The following GFM1 variants were observed in gnomAD, a reference collection of about 807,000 sequenced individuals.
The protein encoded by GFM1 is G elongation factor mitochondrial 1.
In GFM1, 62 loss-of-function variants were observed where a neutral mutation model predicts 96.2. The observed-to-expected ratio is 0.64, with a 90% CI of 0.53 to 0.80. The LOEUF (loss-of-function observed/expected upper bound fraction) is 0.80, where lower values mean the gene tolerates loss of function less well. GFM1 is among the 30% of genes least tolerant of loss of function. The pLI is 0.00. For synonymous variants in GFM1, 282 were observed against 312.9 expected (o/e 0.90, Z 1.04); for missense variants, 852 against 916.6 (o/e 0.93, Z 0.91).
intron 13 of GFM1, chr3:158,669,067 A>C: frequency 6.2e-7 from 1 of 1,613,640 alleles, no homozygotes; most frequent in Non-Finnish European, 8.5e-7. Context: ...CATATTATAT[A>C]ACCACAGGCA....
chr3:158,691,370 A>C lies in GFM1; in HGVS notation c.2159A>C (p.Tyr720Ser). ...KGEYTMEYSR[Y>S]QPCLPSTQED... ...GAATACACAATGGAGTATAGCAGGT[A>C]TCAGCCATGTTTACCATCCACACAA... Residue 720 changes from tyrosine to serine, a missense_variant, in exon 18 of 18, where the codon TAT becomes TCT. Coordinates refer to ENST00000486715, the MANE Select transcript of GFM1 (RefSeq NM_024996.7). 3 of 1,613,898 alleles carry C rather than the reference A, an allele frequency of 1.9e-6. No individual in the cohort carries two copies. Among genetic ancestry groups the C allele is most frequent in the Non-Finnish European group, 2.5e-6 (3 of 1,179,832 alleles).
In GFM1 at chr3:158,659,076, T is replaced by A; in HGVS notation, c.1221+17T>A. On this transcript the variant is annotated intron_variant, in intron 9 of 17. Transcript: ENST00000486715. ...ATGATGGAGGCAAGTACAGAGTCAT[T>A]GTGAGATTAGAAATTCCTCTGATGT... 6.2e-7 allele frequency: 1 copy of A among 1,614,074 alleles called. No homozygotes were observed. The highest frequency in any genetic ancestry group is 8.5e-7 in the Non-Finnish European group (1 of 1,179,970).
chr3:158,673,267 T>G (rs1381565561), intron 13 of GFM1, among the ~76,000 whole-genome samples: 1 of 152,216 alleles, frequency 6.6e-6, no homozygotes, highest in African/African-American at 2.4e-5. Flanking sequence ...GCTTCCAACT[T>G]GAGTCATTTT....
chr3:158,658,789 T>G, intron 8 of GFM1, 133 bp from the exon 9 acceptor site: 1 of 913,158 alleles, frequency 1.1e-6, no homozygotes, highest in Non-Finnish European at 1.7e-6. Context: ...TTTATGACAA[T>G]AAACTGAAAT....
At chr3:158,680,133 C>T (rs1725241559) in intron 13 of GFM1, among the ~76,000 whole-genome samples, 1 of 151,662 alleles carries the variant, frequency 6.6e-6, no homozygotes, top group African/African-American at 2.4e-5. Context: ...ACAATGTGGC[C>T]CTGACATAAT....
chr3:158,670,181 G>T (rs1724141652), intron 13 of GFM1, among the ~76,000 whole-genome samples: 1 of 152,186 alleles, frequency 6.6e-6, no homozygotes, highest in Admixed American at 6.5e-5. Context: ...GGTACAGATT[G>T]CAGTTCCTTT....
In GFM1 at chr3:158,649,055, A is replaced by C; in HGVS notation, c.587A>C (p.His196Pro). 3 of 1,505,432 alleles carry C rather than the reference A, an allele frequency of 2.0e-6. No individual in the cohort carries two copies. Among genetic ancestry groups the C allele is most frequent in the Non-Finnish European group, 2.8e-6 (3 of 1,081,472 alleles). 93.3% of individuals were successfully genotyped at this position (1,505,432 alleles called of 1,614,324 possible). ...TTATTTTTCAGGTCTAAACTAAATC[A>C]TAATGCAGCGTTTATGCAGATACCC... ...ALQQMRSKLNHNAAFMQIPMG... is the reference protein window; with the variant it reads ...ALQQMRSKLNPNAAFMQIPMG... Residue 196 changes from histidine to proline, a missense_variant, in exon 5 of 18, where the codon CAT becomes CCT. His to Pro is a moderately conservative substitution (Grantham distance 77). Transcript: ENST00000486715.
chr3:158,648,342 T>A (rs1576725262), intron 4 of GFM1, among the ~76,000 whole-genome samples: 1 of 152,202 alleles, frequency 6.6e-6, no homozygotes, highest in Non-Finnish European at 1.5e-5. Context: ...GAGCATATTC[T>A]TTTCCAGTGA....
rs150318706 is a variant in GFM1, at chr3:158,692,840, C to T, written c.*1373C>T. Among the ~76,000 whole-genome samples the T allele has an allele frequency of 3.8e-3, 573 of 151,998 alleles. 3 individuals carry two copies. The highest frequency in any genetic ancestry group is 0.013 in the African/African-American group (530 of 41,472). On this transcript the variant is annotated 3_prime_UTR_variant, in exon 18 of 18. Coordinates refer to ENST00000486715, the MANE Select transcript of GFM1 (RefSeq NM_024996.7). ...CTAAGTAGGTGGGACTACAGGTGTG[C>T]GCCACCACTCCCTGCTAATTTTTTG... is the stretch of plus-strand genomic sequence containing the variant.
At chr3:158,665,557 C>A (rs951377592) in intron 12 of GFM1, 83 bp downstream of exon 12, 1 of 1,216,038 alleles carries the variant, frequency 8.2e-7, no homozygotes, top group Non-Finnish European at 1.2e-6. Context: ...AATCTAATGT[C>A]TGTAACTAAC....
intron 13 of GFM1, chr3:158,666,880 A>G: frequency 1.4e-6 from 2 of 1,448,100 alleles, no homozygotes; most frequent in South Asian, 2.6e-5. Flanking sequence ...CAATTATAAT[A>G]TACTTAAATC....
chr3:158,662,812 T>C (rs754152669), intron 11 of GFM1, 128 bp downstream of exon 11: 1 of 713,280 alleles, frequency 1.4e-6, no homozygotes, highest in Admixed American at 2.2e-5. Flanking sequence ...TCTGTTGGTA[T>C]TGAGATCTTC....
intron 13 of GFM1, among the ~76,000 whole-genome samples, chr3:158,677,749 G>T (rs1482666307): frequency 6.6e-6 from 1 of 152,172 alleles, no homozygotes. Flanking sequence ...TGATCCACCT[G>T]CCTCGGCCTC....
At chr3:158,657,605 T>A (rs1722872715) in intron 8 of GFM1, 1 of 152,226 alleles carries the variant, frequency 6.6e-6, no homozygotes, top group Non-Finnish European at 1.5e-5. Flanking sequence ...AACCTTTTAT[T>A]TGTATATATT....
At chr3:158,675,152 C>G (rs1032993557) in intron 13 of GFM1, among the ~76,000 whole-genome samples, 2 of 151,144 alleles carry the variant, frequency 1.3e-5, no homozygotes, top group Non-Finnish European at 2.9e-5. Flanking sequence ...CCGGGCGTGG[C>G]GGCGGGCGCC....
intron 14 of GFM1, 151 bp from the exon 15 acceptor site, chr3:158,684,373 T>G: frequency 1.4e-6 from 1 of 731,368 alleles, no homozygotes; most frequent in Non-Finnish European, 2.3e-6. Flanking sequence ...AATAGTAAAG[T>G]TGTTAAACAT....
At chr3:158,675,349 T>A (rs192248256) in intron 13 of GFM1, among the ~76,000 whole-genome samples, 2 of 150,738 alleles carry the variant, frequency 1.3e-5, no homozygotes, top group African/African-American at 2.4e-5. Context: ...TAAACATGAT[T>A]TAATGATTTT....
intron 5 of GFM1, among the ~76,000 whole-genome samples, chr3:158,651,345 C>A (rs980810157): frequency 1.3e-5 from 2 of 152,156 alleles, no homozygotes; most frequent in African/African-American, 4.8e-5. Flanking sequence ...ATGATTAATA[C>A]AATTTCAAAG....
chr3:158,656,462 T>C (rs550120848), intron 8 of GFM1: 2 of 153,136 alleles, frequency 1.3e-5, no homozygotes, highest in Non-Finnish European at 2.9e-5. Flanking sequence ...TGATTTATCA[T>C]TGTTAATGCT....
Sources: allele counts gnomAD v4.1 joint callset (sites outside exome capture counted in the v4.1 genomes callset), GRCh38; gene constraint gnomAD v4.1.1; transcripts MANE v1.5; gene names NCBI Gene and HGNC (gene_info 2026-07-23, HGNC 2026-07-21).